Variants in GAB1 observed in about 807,000 individuals in gnomAD.
GAB1 encodes the protein GRB2-associated-binding protein 1.
In GAB1, 19 loss-of-function variants were observed where a neutral mutation model predicts 66.5. The ratio of observed to expected loss-of-function variants is 0.29; its 90% CI spans 0.20 to 0.42. The LOEUF (loss-of-function observed/expected upper bound fraction) is 0.42. GAB1 is among the 10% of genes least tolerant of loss of function. The pLI is 1.00. For missense variants in GAB1, 732 were observed against 858.5 expected (o/e 0.85, Z 1.84); for synonymous variants, 294 against 301.4 (o/e 0.98, Z 0.25).
chr4:143,368,003 G>A (rs1196703258), intron 1 of GAB1, among the ~76,000 whole-genome samples: 1 of 152,016 alleles, frequency 6.6e-6, no homozygotes, highest in South Asian at 2.1e-4. Flanking sequence ...AGGATTCCAG[G>A]CGTGAGCCAC....
chr4:143,379,672 G>A (rs923305547), intron 1 of GAB1, among the ~76,000 whole-genome samples: 3 of 151,858 alleles, frequency 2.0e-5, no homozygotes, highest in African/African-American at 4.8e-5. Context: ...CTGCAGCCTC[G>A]ACCTCCTGGG....
At chr4:143,412,695 A>G (rs1166646970) in intron 1 of GAB1, among the ~76,000 whole-genome samples, 1 of 152,200 alleles carries the variant, frequency 6.6e-6, no homozygotes, top group Non-Finnish European at 1.5e-5. Flanking sequence ...AGGGAAGAGA[A>G]GCCCTGAAGG....
chr4:143,381,027 T>A (rs1419004642), intron 1 of GAB1, among the ~76,000 whole-genome samples: 1 of 152,156 alleles, frequency 6.6e-6, no homozygotes, highest in Non-Finnish European at 1.5e-5. Context: ...ATATGGGAGA[T>A]CATCTCTGGC....
In GAB1 at chr4:143,469,011, G is replaced by GT; in HGVS notation, c.1927-14dup. 1 of 1,611,276 alleles carries GT rather than the reference G, an allele frequency of 6.2e-7. No homozygotes were observed. The highest frequency in any genetic ancestry group is 8.5e-7 in the Non-Finnish European group (1 of 1,178,588). On this transcript the variant is annotated intron_variant, in intron 9 of 9. Coordinates refer to ENST00000262994, the MANE Select transcript of GAB1 (RefSeq NM_002039.4). ...CACTCCTTTATATGTTGGACTTTTT[G>GT]TTTTTTCTTTGTGTTTTAGCAAAAG...
intron 2 of GAB1, chr4:143,424,788 C>T (rs1365405675): frequency 5.5e-5 from 16 of 293,098 alleles, no homozygotes. Context: ...AACCCTGTCT[C>T]TACTAAAAAT....
intron 1 of GAB1, among the ~76,000 whole-genome samples, chr4:143,374,359 A>G (rs1730321367): frequency 6.6e-6 from 1 of 152,180 alleles, no homozygotes; most frequent in African/African-American, 2.4e-5. Context: ...TCAGGATATT[A>G]GTCAAAGGAA....
intron 1 of GAB1, among the ~76,000 whole-genome samples, chr4:143,369,172 C>A (rs1288853298): frequency 6.6e-6 from 1 of 151,906 alleles, no homozygotes. Flanking sequence ...AACTCCTGGC[C>A]TCAGGTGATC....
At chr4:143,440,508 C>T (rs1204719357) in intron 6 of GAB1, 126 bp downstream of exon 6, 1 of 915,430 alleles carries the variant, frequency 1.1e-6, no homozygotes, top group Non-Finnish European at 1.6e-6. Context: ...CCATAGCCAT[C>T]AAGTTATTTA....
chr4:143,449,556 G>T (rs1384217624), intron 6 of GAB1, among the ~76,000 whole-genome samples: 1 of 151,712 alleles, frequency 6.6e-6, no homozygotes, highest in East Asian at 1.9e-4. Context: ...GGCCTTCTTT[G>T]TCTCTTTTGA....
chr4:143,357,588 G>A (rs1165121281), intron 1 of GAB1, among the ~76,000 whole-genome samples: 3 of 152,056 alleles, frequency 2.0e-5, no homozygotes, highest in African/African-American at 7.2e-5. Context: ...GTGAAGGGTG[G>A]GTAGGGATGA....
In GAB1 at chr4:143,438,314, A is replaced by T; in HGVS notation, c.909A>T (p.Val303=). 2 of 1,613,720 alleles carry T rather than the reference A, an allele frequency of 1.2e-6. No homozygotes were observed. Among genetic ancestry groups the T allele is most frequent in the Non-Finnish European group, 1.7e-6 (2 of 1,179,742 alleles). ...GTGTAGAGACTCAAATGAGGCATGT[A>T]TCTATTAGTTATGACATTCCTCCAA... is the stretch of plus-strand genomic sequence containing the variant. ...TSSVETQMRH[V]SISYDIPPTP... is the part of the protein sequence containing the mutation. Residue 303 remains valine, a synonymous_variant, in exon 4 of 10, where the codon GTA becomes GTT. Transcript: ENST00000262994.
intron 1 of GAB1, among the ~76,000 whole-genome samples, chr4:143,409,392 C>CA (rs200826449): frequency 2.3e-4 from 34 of 149,532 alleles, no homozygotes; most frequent in African/African-American, 7.6e-4. Flanking sequence ...ACTTTCCCCC[C>CA]CCCCGCTCTG....
At chr4:143,350,956 A>G (rs746476254) in intron 1 of GAB1, among the ~76,000 whole-genome samples, 4 of 152,156 alleles carry the variant, frequency 2.6e-5, no homozygotes, top group Non-Finnish European at 4.4e-5. Context: ...CTCGCAGGGC[A>G]TGCAATGGGG....
chr4:143,378,309 A>G (rs977795799), intron 1 of GAB1, among the ~76,000 whole-genome samples: 2 of 152,212 alleles, frequency 1.3e-5, no homozygotes, highest in African/African-American at 4.8e-5. Context: ...CAAGTAAATC[A>G]TACTCGCAAG....
chr4:143,464,017 G>A (rs754612900), intron 8 of GAB1, among the ~76,000 whole-genome samples: 16 of 152,256 alleles, frequency 1.1e-4, no homozygotes, highest in Non-Finnish European at 1.9e-4. Context: ...GAAATGGAGG[G>A]TATGGGTCTT....
intron 2 of GAB1, among the ~76,000 whole-genome samples, chr4:143,420,590 A>T (rs561413567): frequency 6.6e-6 from 1 of 152,178 alleles, no homozygotes; most frequent in East Asian, 1.9e-4. Context: ...TTTTCTTGGA[A>T]ATGTACAGAT....
At chr4:143,398,357 A>G (rs1289257880) in intron 1 of GAB1, among the ~76,000 whole-genome samples, 1 of 152,186 alleles carries the variant, frequency 6.6e-6, no homozygotes. Flanking sequence ...ATTTTTACAC[A>G]GTTTTTAGAA....
chr4:143,435,455 G>A (rs1360757019), intron 3 of GAB1, among the ~76,000 whole-genome samples: 1 of 152,084 alleles, frequency 6.6e-6, no homozygotes, highest in African/African-American at 2.4e-5. Flanking sequence ...CTTTTTAGAA[G>A]CCAACAGCCA....
intron 1 of GAB1, among the ~76,000 whole-genome samples, chr4:143,386,354 C>T (rs988413675): frequency 6.6e-6 from 1 of 152,094 alleles, no homozygotes; most frequent in Non-Finnish European, 1.5e-5. Flanking sequence ...TTCATGTACA[C>T]CATATGCATA....
Sources: gnomAD v4.1 joint callset for allele counts (sites outside exome capture counted in the v4.1 genomes callset) on GRCh38, gnomAD v4.1.1 for gene constraint, MANE v1.5 for transcripts, NCBI Gene and HGNC (gene_info 2026-07-23, HGNC 2026-07-21) for gene names.